Variants in ANKRD26 observed in about 807,000 individuals in gnomAD.
The protein encoded by ANKRD26 is ankyrin repeat domain 26, also known as ankyrin repeat domain-containing protein 26.
ANKRD26 carries 141 observed loss-of-function variants against 208.7 expected under a neutral mutation model. The observed-to-expected ratio is 0.68, with a 90% CI of 0.59 to 0.78. ANKRD26 has a LOEUF of 0.78. Among genes scored for constraint, ANKRD26 ranks in the 30% least tolerant of loss-of-function variants. The probability of loss-of-function intolerance (pLI) is 0.00; values close to 1 mark genes in which losing one functional copy is unlikely to be tolerated. For missense variants in ANKRD26, 1,889 were observed against 1,938.7 expected (o/e 0.97, Z 0.48); for synonymous variants, 636 against 660.4 (o/e 0.96, Z 0.57).
intron 1 of ANKRD26, among the ~76,000 whole-genome samples, chr10:27,098,579 T>G (rs896166486): frequency 6.6e-6 from 1 of 151,178 alleles, no homozygotes; most frequent in African/African-American, 2.4e-5. Flanking sequence ...GACGGAGTCT[T>G]GCTCTGTCGC....
intron 25 of ANKRD26, among the ~76,000 whole-genome samples, chr10:27,031,524 T>C (rs544468814): frequency 5.6e-4 from 85 of 152,168 alleles, no homozygotes; most frequent in African/African-American, 1.9e-3. Flanking sequence ...TTGCCTAGGA[T>C]TGGAGAAGGT....
At chr10:26,971,674 TCA>T (rs2052144422), downstream of ANKRD26, among the ~76,000 whole-genome samples, 1 of 76,366 alleles carries the variant, frequency 1.3e-5, no homozygotes. Context: ...TGACCATGTC[TCA>T]AAAAAAAAAA....
intron 15 of ANKRD26, among the ~76,000 whole-genome samples, chr10:27,058,947 C>T (rs2054945630): frequency 1.3e-5 from 2 of 150,334 alleles, no homozygotes; most frequent in Admixed American, 1.3e-4. Context: ...CGTTGTCTCG[C>T]TCTGTCACCC....
chr10:27,083,980 T>C (rs764413824), intron 5 of ANKRD26, among the ~76,000 whole-genome samples: 2 of 152,080 alleles, frequency 1.3e-5, no homozygotes, highest in Non-Finnish European at 2.9e-5. Context: ...TTTGGGAGGC[T>C]GAGGCGGGCA....
chr10:27,056,385 C>T (rs1030704393), intron 15 of ANKRD26, among the ~76,000 whole-genome samples: 2 of 151,828 alleles, frequency 1.3e-5, no homozygotes, highest in African/African-American at 4.8e-5. Context: ...ACCATGTGGG[C>T]CAGGCTGGTC....
At chr10:26,994,343 A>T (rs1234667858) in intron 5 of ANKRD26, among the ~76,000 whole-genome samples, 1 of 152,226 alleles carries the variant, frequency 6.6e-6, no homozygotes, top group Non-Finnish European at 1.5e-5. Context: ...ACAGTTTCCA[A>T]TAATATTGTT....
intron 19 of ANKRD26, 110 bp downstream of exon 19, chr10:27,044,046 AG>A (rs781757727): frequency 1.3e-6 from 1 of 794,798 alleles, no homozygotes; most frequent in Non-Finnish European, 1.8e-6. Flanking sequence ...CTCCCGCTTT[AG>A]CCTTCCAAAG....
intron 32 of ANKRD26, among the ~76,000 whole-genome samples, chr10:27,011,934 T>C (rs1201036199): frequency 2.6e-5 from 4 of 152,206 alleles, no homozygotes; most frequent in African/African-American, 7.2e-5. Flanking sequence ...TGCCCAGTAA[T>C]AGACACATTT....
In ANKRD26 at chr10:27,004,551, T is replaced by C. The variant is rs138628934; in HGVS notation, c.*1039A>G. The stretch of plus-strand genomic sequence containing the variant: ...CCACTGTTAGTGATCAATGCTAACA[T>C]TACCAGTAACAGGGCAAATCAAAAC... On this transcript the variant is annotated 3_prime_UTR_variant, in exon 34 of 34. Transcript: ENST00000376087. The C allele has an allele frequency of 6.6e-5, 10 of 152,252 alleles. No individual in the cohort carries two copies. The East Asian group carries it at 1.5e-3, about 24-fold the overall frequency. The allele number at this position is 152,252 out of a possible 1,614,324, so 9.4% of individuals were successfully genotyped here.
intron 16 of ANKRD26, 116 bp downstream of exon 16, chr10:27,053,204 T>C: frequency 1.4e-6 from 1 of 732,226 alleles, no homozygotes; most frequent in Non-Finnish European, 2.3e-6. Context: ...AAATATTAAA[T>C]GATGATCTAT....
intron 16 of ANKRD26, among the ~76,000 whole-genome samples, chr10:27,050,219 C>CAAAAAAAAAAAAAAAAAAAAA (rs67384671): frequency 1.8e-3 from 60 of 33,030 alleles, no homozygotes; most frequent in Non-Finnish European, 2.7e-3. Flanking sequence ...GAATCTGTCT[C>CAAAAAAAAAAAAAAAAAAAAA]AAAAAAAAAA....
downstream of ANKRD26, among the ~76,000 whole-genome samples, chr10:26,972,720 A>G (rs1403899785): frequency 6.6e-6 from 1 of 151,202 alleles, no homozygotes; most frequent in Non-Finnish European, 1.5e-5. Context: ...CCTCCCGAGC[A>G]GCTGGGACTA....
Position 27,048,801 on chromosome 10 carries a change from C to A in ANKRD26, c.1814G>T (p.Ser605Ile), listed in dbSNP as rs997295262. 1 of 1,611,762 alleles carries A rather than the reference C, an allele frequency of 6.2e-7. No individual in the cohort carries two copies. The highest frequency in any genetic ancestry group is 1.3e-5 in the African/African-American group (1 of 74,954). ...FPRKENKEYA[S>I]SGPALQMKEV... ...GCTGTTAAATATGCTATCAGCTTAC[C>A]TAGCATACTCTTTATTTTCCTTCCT... The change falls in exon 17 of 34, where the codon AGT (serine) becomes ATT (isoleucine). Residue 605 changes from serine to isoleucine, a missense_variant and splice_region_variant. By Grantham distance (142) the Ser-to-Ile change is moderately radical. Transcript: ENST00000376087.
chr10:27,082,120 G>A (rs540936146), intron 6 of ANKRD26, among the ~76,000 whole-genome samples: 92 of 150,634 alleles, frequency 6.1e-4, no homozygotes, highest in Non-Finnish European at 1.2e-3. Flanking sequence ...AACTCAGATG[G>A]AGCTAGAGTA....
intron 16 of ANKRD26, among the ~76,000 whole-genome samples, chr10:27,049,211 G>A (rs1013326643): frequency 1.3e-5 from 2 of 151,516 alleles, no homozygotes; most frequent in African/African-American, 4.9e-5. Flanking sequence ...TTTCTGTTTG[G>A]GTAAAACAGA....
chr10:26,982,833 A>G (rs553721278), intron 3 of ANKRD26, among the ~76,000 whole-genome samples: 2 of 152,298 alleles, frequency 1.3e-5, no homozygotes, highest in South Asian at 4.1e-4. Flanking sequence ...AAAACAGGAC[A>G]GAACACAAAT....
the ANKRD26 span, among the ~76,000 whole-genome samples, chr10:26,955,907 G>C: frequency 2.6e-5 from 4 of 152,132 alleles, no homozygotes; most frequent in Admixed American, 2.6e-4. Context: ...AGTACGTCTT[G>C]TAGCAGTTTC....
intron 5 of ANKRD26, among the ~76,000 whole-genome samples, chr10:26,977,569 C>A (rs1473039646): frequency 6.6e-6 from 1 of 152,178 alleles, no homozygotes; most frequent in Non-Finnish European, 1.5e-5. Flanking sequence ...GCATTTTGCA[C>A]AGGCAAAAGG....
chr10:27,079,385 A>G (rs2055820986), intron 6 of ANKRD26, among the ~76,000 whole-genome samples: 1 of 152,240 alleles, frequency 6.6e-6, no homozygotes. Flanking sequence ...CTCCGAAACT[A>G]TAAAATATTC....
Sources: allele counts gnomAD v4.1 joint callset (sites outside exome capture counted in the v4.1 genomes callset), GRCh38; gene constraint gnomAD v4.1.1; transcripts MANE v1.5; gene names NCBI Gene and HGNC (gene_info 2026-07-23, HGNC 2026-07-21).